The following PCDHGB6 variants were observed in gnomAD, a reference collection of about 807,000 sequenced individuals.
PCDHGB6 encodes the protein protocadherin gamma-B6.
A neutral mutation model predicts 59.1 loss-of-function variants in PCDHGB6; 51 were observed. The observed-to-expected ratio is 0.86, with a 90% CI of 0.69 to 1.09. The LOEUF is 1.09. Ranked by LOEUF, PCDHGB6 falls within the 50% of genes least tolerant of loss-of-function variation. The pLI is 0.00. For synonymous variants in PCDHGB6, 466 were observed against 495.1 expected (o/e 0.94, Z 0.78); for missense variants, 1,148 against 1,205.1 (o/e 0.95, Z 0.70).
intron 2 of PCDHGB6, among the ~76,000 whole-genome samples, chr5:141,500,779 T>C (rs1222392685): frequency 1.3e-5 from 2 of 152,238 alleles, no homozygotes; most frequent in Non-Finnish European, 2.9e-5. Context: ...TGAATATACA[T>C]ATTATTTTAC....
intron 1 of PCDHGB6, among the ~76,000 whole-genome samples, chr5:141,488,741 C>A (rs2099678972): frequency 1.3e-5 from 2 of 152,310 alleles, no homozygotes; most frequent in South Asian, 4.1e-4. Context: ...TGAAGTCATG[C>A]AGGAAGTTGC....
intron 1 of PCDHGB6, among the ~76,000 whole-genome samples, chr5:141,470,664 G>A (rs1308061207): frequency 6.6e-6 from 1 of 151,882 alleles, no homozygotes; most frequent in Non-Finnish European, 1.5e-5. Context: ...CTTTGGTTAG[G>A]GCTCTGCTGT....
At chr5:141,410,675 T>A in intron 1 of PCDHGB6, 55 bp downstream of exon 1, 1 of 1,551,642 alleles carries the variant, frequency 6.4e-7, no homozygotes, top group Non-Finnish European at 8.6e-7. Context: ...GTTTCTCATA[T>A]TTTAGGCATA....
chr5:141,420,191 CAAGAT>C, intron 1 of PCDHGB6: 1 of 1,613,720 alleles, frequency 6.2e-7, no homozygotes, highest in Non-Finnish European at 8.5e-7. Context: ...TCCAGCCACA[CAAGAT>C]AACCTCAACA....
rs1254712035 is a variant in PCDHGB6 at position 141,410,154 on chromosome 5, A to C, written c.1952A>C (p.Gln651Pro). Residue 651 changes from glutamine to proline, a missense_variant, in exon 1 of 4, where the codon CAG becomes CCG. This residue lies in a region of PCDHGB6 where 549 missense variants were observed against 527.5 expected (regional missense o/e 1.04). Transcript: ENST00000520790. ...RLLVAVRDGGQPPLSATATLH... is the reference protein window; with the variant it reads ...RLLVAVRDGGPPPLSATATLH... ...CTGGTCGCTGTGCGTGACGGTGGAC[A>C]GCCGCCACTCTCTGCCACCGCCACG... 6.2e-7 allele frequency: 1 copy of C among 1,612,962 alleles called. No individual in the cohort carries two copies. Among genetic ancestry groups the C allele is most frequent in the Non-Finnish European group, 8.5e-7 (1 of 1,179,676 alleles).
chr5:141,490,380 T>A lies in PCDHGB6; in HGVS notation c.2419-4427T>A. On this transcript the variant is annotated intron_variant, in intron 1 of 3. Coordinates refer to ENST00000520790, the MANE Select transcript of PCDHGB6 (RefSeq NM_018926.3). The surrounding 1 kb of genome is among the most constrained non-coding windows in gnomAD (Gnocchi z 5.4). ...TTAATGTGCGAGACCGGGACTCAGG[T>A]AGAAATGGTGAAGTGAGCCTTGATA... 6.2e-7 allele frequency: 1 copy of A among 1,614,204 alleles called. No homozygotes were observed. The highest frequency in any genetic ancestry group is 1.7e-5 in the Admixed American group (1 of 60,026).
At chr5:141,450,565 C>T (rs1024229182) in intron 1 of PCDHGB6, among the ~76,000 whole-genome samples, 2 of 152,016 alleles carry the variant, frequency 1.3e-5, no homozygotes, top group Non-Finnish European at 2.9e-5. Context: ...CGGCTCACTG[C>T]AACTTCTGCC....
At chr5:141,475,866 C>T in intron 1 of PCDHGB6, 1 of 504,862 alleles carries the variant, frequency 2.0e-6, no homozygotes, top group South Asian at 2.9e-5. Context: ...GCTCATTCTT[C>T]GTGCAGTTAT....
Position 141,410,082 on chromosome 5 carries a change from G to A in PCDHGB6, c.1880G>A (p.Arg627His), listed in dbSNP as rs780485949. 1.6e-5 allele frequency: 25 copies of A among 1,612,386 alleles called. No individual in the cohort carries two copies. The Admixed American group carries it at 3.8e-4, about 25-fold the overall frequency. The change falls in exon 1 of 4, where the codon CGC (arginine) becomes CAC (histidine). Residue 627 changes from arginine (R) to histidine (H), a missense_variant. Transcript: ENST00000520790. ...CTGGGGCTGCGCACTGGGGAGGTGC[G>A]CACGGCTCGAGCCTTAGGCGACAGG... is the stretch of plus-strand genomic sequence containing the variant. ...FSLGLRTGEV[R>H]TARALGDRDA...
At chr5:141,508,383 T>C (rs1169318572) in intron 3 of PCDHGB6, 1 of 152,236 alleles carries the variant, frequency 6.6e-6, no homozygotes, top group Non-Finnish European at 1.5e-5. Flanking sequence ...CTCAGATTTA[T>C]AGATGGGAAA....
intron 1 of PCDHGB6, chr5:141,427,201 A>G (rs1272966114): frequency 4.4e-6 from 2 of 456,618 alleles, no homozygotes; most frequent in African/African-American, 4.0e-5. Flanking sequence ...GACTTAATAG[A>G]CTTCGAATTT....
chr5:141,510,229 C>T (rs904367594), intron 3 of PCDHGB6, among the ~76,000 whole-genome samples: 3 of 150,486 alleles, frequency 2.0e-5, no homozygotes, highest in African/African-American at 7.4e-5. Context: ...GCCGGGATCG[C>T]GCCACTGCAC....
intron 1 of PCDHGB6, chr5:141,423,090 G>GT (rs2096707772): frequency 2.5e-6 from 4 of 1,613,904 alleles, no homozygotes; most frequent in African/African-American, 2.7e-5. Flanking sequence ...TCGCGGTGGG[G>GT]GAGCACACGG....
intron 1 of PCDHGB6, among the ~76,000 whole-genome samples, chr5:141,479,962 A>G: frequency 6.6e-6 from 1 of 152,226 alleles, no homozygotes; most frequent in Non-Finnish European, 1.5e-5. Context: ...GCAGTTAGTC[A>G]AATGAGGTTC....
chr5:141,414,550 G>C, intron 1 of PCDHGB6: 1 of 1,613,948 alleles, frequency 6.2e-7, no homozygotes, highest in Non-Finnish European at 8.5e-7. Context: ...CTTCTCTCAA[G>C]TCTCCTACTT....
In PCDHGB6 at chr5:141,490,647, G is replaced by T; in HGVS notation, c.2419-4160G>T. 6.2e-7 allele frequency: 1 copy of T among 1,614,084 alleles called. No homozygotes were observed. Among genetic ancestry groups the T allele is most frequent in the Non-Finnish European group, 8.5e-7 (1 of 1,180,014 alleles). ...CTTACATCCTAGAAAACCGGCCTCCGGGCTCCCTTCTTTGCACTGTGGCTG... is the reference window on the plus strand; with the variant it reads ...CTTACATCCTAGAAAACCGGCCTCCTGGCTCCCTTCTTTGCACTGTGGCTG... On this transcript the variant is annotated intron_variant, in intron 1 of 3. Transcript: ENST00000520790. This position sits in a 1 kb window ranked among gnomAD's most constrained non-coding sequence, Gnocchi z 5.4.
In PCDHGB6 at chr5:141,409,441, G is replaced by A. The variant is rs1432743588; in HGVS notation, c.1239G>A (p.Glu413=). 6.2e-7 allele frequency: 1 copy of A among 1,613,884 alleles called. No individual in the cohort carries two copies. The highest frequency in any genetic ancestry group is 1.7e-5 in the Admixed American group (1 of 60,012). Residue 413 remains glutamate, a synonymous_variant, in exon 1 of 4, where the codon GAG becomes GAA. Coordinates refer to ENST00000520790, the MANE Select transcript of PCDHGB6 (RefSeq NM_018926.3). ...TGACAGATGGAGCCCTGGACCGAGA[G>A]CAGACACCAGAATACAATGTCACCA... The part of the protein sequence containing the change: ...KLVTDGALDR[E]QTPEYNVTIV...
At chr5:141,419,642 G>A (rs376762490) in intron 1 of PCDHGB6, 1 of 1,612,412 alleles carries the variant, frequency 6.2e-7, no homozygotes, top group African/African-American at 1.3e-5. Context: ...GGTGGCCGTG[G>A]ACGCGGACTC....
rs202162316 is a variant in PCDHGB6, at chr5:141,490,194, T to C, written c.2419-4613T>C. ...TTGAGGAGTCACGTTTCTATGAAAT[T>C]CATGCAAGAGCCCGTGACCAGGGAC... is the stretch of plus-strand genomic sequence containing the variant. On this transcript the variant is annotated intron_variant, in intron 1 of 3. Transcript: ENST00000520790. The surrounding 1 kb of genome is among the most constrained non-coding windows in gnomAD (Gnocchi z 5.4). The C allele has an allele frequency of 8.1e-6, 13 of 1,614,186 alleles. No individual in the cohort carries two copies. The highest frequency in any genetic ancestry group is 1.1e-5 in the Non-Finnish European group (13 of 1,180,030).
Sources: allele counts gnomAD v4.1 joint callset (sites outside exome capture counted in the v4.1 genomes callset), GRCh38; gene constraint gnomAD v4.1.1; regional missense constraint gnomAD v4.1.1; non-coding constraint Gnocchi (gnomAD v3.1); transcripts MANE v1.5; gene names NCBI Gene and HGNC (gene_info 2026-07-23, HGNC 2026-07-21).